Variants in SCP2 observed in about 807,000 individuals in gnomAD.
The protein encoded by SCP2 is SCP-2/3-oxoacyl-CoA thiolase.
Under a neutral mutation model 71.4 loss-of-function variants are expected in SCP2, and 48 were observed. The ratio of observed to expected loss-of-function variants is 0.67; its 90% CI spans 0.53 to 0.86. SCP2 has a LOEUF of 0.86. SCP2 is among the 40% of genes least tolerant of loss of function. The pLI is 0.00. For missense variants in SCP2, 560 were observed against 655.6 expected (o/e 0.85, Z 1.59); for synonymous variants, 220 against 218.1 (o/e 1.01, Z -0.08).
At chr1:52,961,310 C>G (rs1201529829) in intron 5 of SCP2, among the ~76,000 whole-genome samples, 193 bp from the exon 6 acceptor site, 2 of 151,694 alleles carry the variant, frequency 1.3e-5, no homozygotes, top group African/African-American at 4.8e-5. Context: ...GTTAATACCT[C>G]TTTGGTCACT....
At chr1:52,944,141 A>G (rs933953398) in intron 2 of SCP2, among the ~76,000 whole-genome samples, 4 of 152,198 alleles carry the variant, frequency 2.6e-5, no homozygotes, top group African/African-American at 7.2e-5. Context: ...CTTTCATCCC[A>G]TAAGTTGTTA....
In SCP2 at chr1:52,927,291, C is replaced by A; in HGVS notation, c.-106C>A. 4 of 998,974 alleles carry A rather than the reference C, an allele frequency of 4.0e-6. No individual in the cohort carries two copies. In the South Asian group the frequency reaches 4.1e-5, roughly 10 times the overall value. The allele number at this position is 998,974 out of a possible 1,614,324, so 61.9% of individuals were successfully genotyped here. ...GCGCACTCTCACGCGCCTGTGTTGC[C>A]GCCCGCGGCCCTGGCTTCGGGCTTC... is the stretch of plus-strand genomic sequence containing the variant. On this transcript the variant is annotated 5_prime_UTR_variant, in exon 1 of 16. Transcript: ENST00000371514.
intron 13 of SCP2, among the ~76,000 whole-genome samples, chr1:53,034,284 AG>A (rs1662763122): frequency 6.6e-6 from 1 of 152,140 alleles, no homozygotes. Flanking sequence ...AAAAAAAAAA[AG>A]ATTGAAAGAC....
chr1:53,048,999 T>A (rs1186841536), intron 15 of SCP2: 5 of 152,252 alleles, frequency 3.3e-5, no homozygotes, highest in African/African-American at 1.2e-4. Flanking sequence ...CTTGCTTTTT[T>A]AAAATGCTTT....
At chr1:53,017,679 T>C (rs1034041635) in intron 12 of SCP2, among the ~76,000 whole-genome samples, 2 of 152,184 alleles carry the variant, frequency 1.3e-5, no homozygotes, top group Non-Finnish European at 2.9e-5. Context: ...TGGGTACTAT[T>C]TGAAGATCCT....
intron 14 of SCP2, among the ~76,000 whole-genome samples, chr1:53,043,419 C>A (rs933932277): frequency 6.6e-6 from 1 of 152,212 alleles, no homozygotes; most frequent in Admixed American, 6.5e-5. Flanking sequence ...ATCTGGGATT[C>A]ATCAAATGCT....
chr1:52,977,448 G>T (rs115151399), intron 8 of SCP2, among the ~76,000 whole-genome samples: 1,527 of 152,326 alleles, frequency 0.01, 16 homozygotes, highest in Non-Finnish European at 0.015. Context: ...TTAAGATCTC[G>T]AGAGTCTTAA....
chr1:52,936,864 A>G (rs60813156), intron 1 of SCP2, among the ~76,000 whole-genome samples: 5 of 152,078 alleles, frequency 3.3e-5, no homozygotes, highest in Non-Finnish European at 5.9e-5. Context: ...GTGGAGGGCA[A>G]AGTTCTATTT....
At position 53,014,988 on chromosome 1, in the gene SCP2, A is replaced by AT. The variant is rs1557609514; in HGVS notation, c.1182dup (p.Gly395TrpfsTer21). 6.2e-7 allele frequency: 1 copy of AT among 1,614,154 alleles called. No homozygotes were observed. The highest frequency in any genetic ancestry group is 2.2e-5 in the East Asian group (1 of 44,878). ...GGTGGCTCTGCAGCATAATTTAGGC[A>AT]TTGGAGGAGCTGTGGTTGTAACACT... On this transcript the variant is annotated frameshift_variant, in exon 12 of 16. Transcript: ENST00000371514. LOFTEE classifies it high-confidence loss of function.
intron 1 of SCP2, 69 bp downstream of exon 1, chr1:52,927,534 C>T (rs1572027185): frequency 1.7e-6 from 2 of 1,168,630 alleles, no homozygotes; most frequent in East Asian, 5.0e-5. Context: ...TTTCTCTGTC[C>T]CTCCGGTCTC....
intron 8 of SCP2, among the ~76,000 whole-genome samples, chr1:52,977,694 C>T (rs544120148): frequency 3.5e-4 from 54 of 152,300 alleles, no homozygotes; most frequent in African/African-American, 1.3e-3. Flanking sequence ...GGCGTGGTAG[C>T]TCACGCCTGT....
chr1:53,035,704 T>TGGC (rs1553154903), intron 13 of SCP2, among the ~76,000 whole-genome samples: 1 of 152,022 alleles, frequency 6.6e-6, no homozygotes, highest in Admixed American at 6.6e-5. Context: ...GGCACAGAAA[T>TGGC]AGCTAGATCA....
At chr1:52,945,662 C>T (rs555721852) in intron 2 of SCP2, among the ~76,000 whole-genome samples, 2 of 151,706 alleles carry the variant, frequency 1.3e-5, no homozygotes, top group South Asian at 4.2e-4. Flanking sequence ...GAGTTAGCAC[C>T]ACTGGACTCT....
chr1:53,023,064 ACT>A (rs1234786862), intron 12 of SCP2, among the ~76,000 whole-genome samples: 2 of 152,144 alleles, frequency 1.3e-5, no homozygotes, highest in Admixed American at 6.6e-5. Context: ...GAATGTGAAT[ACT>A]CTCTGAGTTT....
Position 53,038,875 on chromosome 1 carries a change from G to T in SCP2, c.1339-42G>T, listed in dbSNP as rs368718416. ...GAATTTGCTTGAGGAGAAAGCCAGA[G>T]AAATGGACTTAATGTAACCCCAGTG... On this transcript the variant is annotated intron_variant, in intron 13 of 15. Transcript: ENST00000371514. 1.4e-5 allele frequency: 22 copies of T among 1,612,100 alleles called. No homozygotes were observed. The African/African-American group carries it at 2.1e-4, about 16-fold the overall frequency.
chr1:53,005,657 A>G (rs1660587325), intron 11 of SCP2, among the ~76,000 whole-genome samples: 1 of 152,204 alleles, frequency 6.6e-6, no homozygotes, highest in Non-Finnish European at 1.5e-5. Flanking sequence ...AGATAAATCC[A>G]CAAAGATGAG....
At position 53,012,113 on chromosome 1, in the gene SCP2, C is replaced by A. The variant is rs1193165606; in HGVS notation, c.1082-2777C>A. Among the ~76,000 whole-genome samples, 3 of 152,298 alleles carry A rather than the reference C, an allele frequency of 2.0e-5. No homozygotes were observed. In the East Asian group the frequency reaches 5.8e-4, roughly 29 times the overall value. On this transcript the variant is annotated intron_variant, in intron 11 of 15. Coordinates refer to ENST00000371514, the MANE Select transcript of SCP2 (RefSeq NM_002979.5). ...AGAATACTACTATAACTTCCCTTCA[C>A]CTTTCTGTGTAAAAACTAGCCATAA...
chr1:53,019,968 C>T (rs1047656753), intron 12 of SCP2, among the ~76,000 whole-genome samples: 5 of 152,192 alleles, frequency 3.3e-5, no homozygotes, highest in Admixed American at 3.3e-4. Context: ...CTCACTGCAA[C>T]TTCCACCTCC....
rs908769603 is a variant in SCP2, at chr1:53,051,504, C to A, written c.*800C>A. 15 of 151,796 alleles carry A rather than the reference C, an allele frequency of 9.9e-5. No homozygotes were observed. Among genetic ancestry groups the A allele is most frequent in the African/African-American group, 3.4e-4 (14 of 41,340 alleles). 9.4% of individuals were successfully genotyped at this position (151,796 alleles called of 1,614,324 possible). A position where few individuals can be genotyped will look rare whatever the true frequency, so the allele number is the denominator to read the frequency against. ...TAATTATCTGCATTTATCTTTTTTC[C>A]TAGTTTTTCTAATACTAATGTTATT... On this transcript the variant is annotated 3_prime_UTR_variant, in exon 16 of 16. Coordinates refer to ENST00000371514, the MANE Select transcript of SCP2 (RefSeq NM_002979.5).
Sources: allele counts gnomAD v4.1 joint callset (sites outside exome capture counted in the v4.1 genomes callset), GRCh38; gene constraint gnomAD v4.1.1; transcripts MANE v1.5; gene names NCBI Gene and HGNC (gene_info 2026-07-23, HGNC 2026-07-21).